The following PCDHGA6 variants were observed in gnomAD, a reference collection of about 807,000 sequenced individuals.
PCDHGA6 encodes the protein protocadherin gamma subfamily A, 6, also known as protocadherin gamma-A6.
Under a neutral mutation model 60.6 loss-of-function variants are expected in PCDHGA6, and 41 were observed. The observed-to-expected ratio is 0.68, with a 90% CI of 0.53 to 0.88. The LOEUF is 0.88. PCDHGA6 is among the 40% of genes least tolerant of loss of function. The pLI is 0.00. For missense variants in PCDHGA6, 1,312 were observed against 1,203.0 expected (o/e 1.09, Z -1.34); for synonymous variants, 594 against 524.4 (o/e 1.13, Z -1.81).
intron 1 of PCDHGA6, chr5:141,388,897 A>G (rs768114504): frequency 6.2e-7 from 1 of 1,613,994 alleles, no homozygotes; most frequent in Non-Finnish European, 8.5e-7. Context: ...GTCATAGATG[A>G]AAATGACAAC....
At chr5:141,422,812 T>A in intron 1 of PCDHGA6, 1 of 1,614,206 alleles carries the variant, frequency 6.2e-7, no homozygotes, top group Non-Finnish European at 8.5e-7. Context: ...GTTTCGAGAC[T>A]TAGAACTGAG....
Position 141,477,012 on chromosome 5 carries a change from T to C in PCDHGA6, c.2425-17795T>C. The C allele has an allele frequency of 6.2e-7, 1 of 1,614,186 alleles. No homozygotes were observed. Among genetic ancestry groups the C allele is most frequent in the Non-Finnish European group, 8.5e-7 (1 of 1,180,026 alleles). On this transcript the variant is annotated intron_variant, in intron 1 of 3. Coordinates refer to ENST00000517434, the MANE Select transcript of PCDHGA6 (RefSeq NM_018919.3). The surrounding 1 kb of genome is among the most constrained non-coding windows in gnomAD (Gnocchi z 4.9). The stretch of plus-strand genomic sequence containing the variant: ...GTGCGGCAACTATTCGCCTTAGACC[T>C]TGTAACCGGGATGCTGACAATCAAG...
intron 1 of PCDHGA6, chr5:141,433,250 G>A: frequency 1.4e-6 from 2 of 1,440,892 alleles, no homozygotes; most frequent in Non-Finnish European, 1.9e-6. Flanking sequence ...CTGGAATGCA[G>A]CGGTACGATC....
At position 141,512,967 on chromosome 5, in the gene PCDHGA6, T is replaced by C. The variant is rs2099884538; in HGVS notation, c.*1794T>C. ...CGACAAAAAAATAATAAAACGTTTC[T>C]TCTGAAAAGCTGAACGTTTCTGTAT... On this transcript the variant is annotated 3_prime_UTR_variant, in exon 4 of 4. Transcript: ENST00000517434. The C allele has an allele frequency of 6.6e-6, 1 of 152,260 alleles. No individual in the cohort carries two copies. Among genetic ancestry groups the C allele is most frequent in the South Asian group, 2.1e-4 (1 of 4,832 alleles). The allele number at this position is 152,260 out of a possible 1,614,324, so 9.4% of individuals were successfully genotyped here.
Position 141,476,901 on chromosome 5 carries a change from G to A in PCDHGA6, c.2425-17906G>A, listed in dbSNP as rs1466086788. The A allele has an allele frequency of 1.9e-6, 3 of 1,613,782 alleles. No individual in the cohort carries two copies. The African/African-American group carries it at 4.0e-5, about 22-fold the overall frequency. On this transcript the variant is annotated intron_variant, in intron 1 of 3. Coordinates refer to ENST00000517434, the MANE Select transcript of PCDHGA6 (RefSeq NM_018919.3). The surrounding 1 kb of genome is among the most constrained non-coding windows in gnomAD (Gnocchi z 7.6). ...CTGGAGGATGCACCCTCCGGCACGC[G>A]CGTGGTACAAGTCCTTGCAACGGAT...
At chr5:141,384,266 C>T in intron 1 of PCDHGA6, 1 of 1,613,876 alleles carries the variant, frequency 6.2e-7, no homozygotes. Context: ...CCCCACTCAT[C>T]CTACTCAGTC....
intron 1 of PCDHGA6, chr5:141,408,014 C>G (rs2095025916): frequency 5.0e-6 from 5 of 1,001,096 alleles, no homozygotes; most frequent in Non-Finnish European, 7.0e-6. Flanking sequence ...CCTGCGCAGC[C>G]AACAACAGAA....
At chr5:141,403,688 A>G (rs1385402830) in intron 1 of PCDHGA6, 1 of 1,613,836 alleles carries the variant, frequency 6.2e-7, no homozygotes, top group Non-Finnish European at 8.5e-7. Flanking sequence ...TGCTCAACGG[A>G]TTTACCGAGT....
rs185484474 is a variant in PCDHGA6, at chr5:141,376,204, C to T, written c.2121C>T (p.Phe707=). The T allele has an allele frequency of 1.7e-5, 28 of 1,614,080 alleles. No homozygotes were observed. Among genetic ancestry groups the T allele is most frequent in the Admixed American group, 1.3e-4 (8 of 60,010 alleles). Residue 707 remains phenylalanine, a synonymous_variant, in exon 1 of 4, where the codon TTC becomes TTT. Coordinates refer to ENST00000517434, the MANE Select transcript of PCDHGA6 (RefSeq NM_018919.3). ...CGGTCTCCTGCGTCTTCCTGGCCTT[C>T]GTCATCGTGCTGCTGGCGCTCAGAC... ...VAAVSCVFLA[F]VIVLLALRLQ...
At position 141,490,742 on chromosome 5, in the gene PCDHGA6, C is replaced by A. The variant is rs1281337347; in HGVS notation, c.2425-4065C>A. 1.2e-6 allele frequency: 2 copies of A among 1,614,062 alleles called. No homozygotes were observed. Among genetic ancestry groups the A allele is most frequent in the Non-Finnish European group, 1.7e-6 (2 of 1,180,022 alleles). On this transcript the variant is annotated intron_variant, in intron 1 of 3. Coordinates refer to ENST00000517434, the MANE Select transcript of PCDHGA6 (RefSeq NM_018919.3). This position sits in a 1 kb window ranked among gnomAD's most constrained non-coding sequence, Gnocchi z 5.4. ...ATTGTAGGAAATCAGGTTCAGGGAGCCCCAGCCTCCTCCTTTGTGTATGTC... is the reference window on the plus strand; with the variant it reads ...ATTGTAGGAAATCAGGTTCAGGGAGACCCAGCCTCCTCCTTTGTGTATGTC...
intron 1 of PCDHGA6, among the ~76,000 whole-genome samples, chr5:141,453,492 G>T (rs1046043468): frequency 6.6e-6 from 1 of 152,000 alleles, no homozygotes; most frequent in Non-Finnish European, 1.5e-5. Flanking sequence ...AAAAAAAGGT[G>T]TACTCAGAAA....
chr5:141,435,904 C>G (rs967350870), intron 1 of PCDHGA6, among the ~76,000 whole-genome samples: 2 of 152,068 alleles, frequency 1.3e-5, no homozygotes, highest in Admixed American at 6.5e-5. Context: ...TGAAAGACAT[C>G]CAAGGGCTCT....
intron 1 of PCDHGA6, chr5:141,382,806 C>G: frequency 9.1e-7 from 1 of 1,097,502 alleles, no homozygotes; most frequent in South Asian, 1.6e-5. Context: ...GGATTCTGAG[C>G]TCCCCTTCCT....
At chr5:141,399,454 G>A in intron 1 of PCDHGA6, 1 of 1,613,992 alleles carries the variant, frequency 6.2e-7, no homozygotes. Flanking sequence ...AGACGTCAAC[G>A]ATAACGCTCC....
At chr5:141,483,700 T>C (rs1003495517) in intron 1 of PCDHGA6, among the ~76,000 whole-genome samples, 4 of 152,090 alleles carry the variant, frequency 2.6e-5, no homozygotes, top group Admixed American at 2.6e-4. Context: ...ATTCCTCTTT[T>C]TGACACCAGA....
intron 1 of PCDHGA6, chr5:141,420,925 G>A: frequency 2.8e-6 from 1 of 355,536 alleles, no homozygotes; most frequent in Non-Finnish European, 5.1e-6. Context: ...TCACAAAGGT[G>A]AGCGTAATCA....
At chr5:141,447,082 T>C (rs1259827606) in intron 1 of PCDHGA6, among the ~76,000 whole-genome samples, 3 of 152,156 alleles carry the variant, frequency 2.0e-5, no homozygotes, top group Non-Finnish European at 2.9e-5. Context: ...ATTTTTGTTG[T>C]TTAATTTTCT....
chr5:141,409,686 A>T, intron 1 of PCDHGA6: 3 of 1,613,350 alleles, frequency 1.9e-6, no homozygotes, highest in Non-Finnish European at 2.5e-6. Context: ...GTGGCGAGTG[A>T]CCTAGAGCCC....
intron 1 of PCDHGA6, chr5:141,408,074 C>T: frequency 7.2e-7 from 1 of 1,395,302 alleles, no homozygotes; most frequent in Non-Finnish European, 9.5e-7. Context: ...CAGACCTTTC[C>T]CAGCACAGCG....
Sources: allele counts gnomAD v4.1 joint callset (sites outside exome capture counted in the v4.1 genomes callset), GRCh38; gene constraint gnomAD v4.1.1; non-coding constraint Gnocchi (gnomAD v3.1); transcripts MANE v1.5; gene names NCBI Gene and HGNC (gene_info 2026-07-23, HGNC 2026-07-21).